The following HS6ST3 variants were observed in gnomAD, a reference collection of about 807,000 sequenced individuals.
The protein encoded by HS6ST3 is heparan-sulfate 6-O-sulfotransferase 3.
A neutral mutation model predicts 36.7 loss-of-function variants in HS6ST3; 12 were observed. The ratio of observed to expected loss-of-function variants is 0.33; its 90% CI spans 0.21 to 0.53. The LOEUF is 0.53. Among genes scored for constraint, HS6ST3 ranks in the 20% least tolerant of loss-of-function variants. The probability of loss-of-function intolerance (pLI) is 0.95; values close to 1 mark genes in which losing one functional copy is unlikely to be tolerated. For synonymous variants in HS6ST3, 240 were observed against 257.5 expected (o/e 0.93, Z 0.65); for missense variants, 584 against 640.9 (o/e 0.91, Z 0.96).
intron 1 of HS6ST3, among the ~76,000 whole-genome samples, chr13:96,186,593 G>A (rs922688637): frequency 2.6e-5 from 4 of 152,158 alleles, no homozygotes; most frequent in Non-Finnish European, 5.9e-5. Flanking sequence ...AGGACTTAAA[G>A]CCTCATCTAA....
intron 1 of HS6ST3, among the ~76,000 whole-genome samples, chr13:96,562,987 C>A (rs1388312112): frequency 4.0e-5 from 6 of 149,608 alleles, no homozygotes; most frequent in Non-Finnish European, 7.4e-5. Flanking sequence ...AAAGAGAAGG[C>A]TGCTCCCTGA....
chr13:96,146,534 AC>A (rs2054059246), intron 1 of HS6ST3, among the ~76,000 whole-genome samples: 1 of 152,066 alleles, frequency 6.6e-6, no homozygotes, highest in Non-Finnish European at 1.5e-5. Context: ...ATATTAGAAA[AC>A]CCTGATGTTC....
rs377363916 is a variant in HS6ST3, at chr13:96,452,342, A to G, written c.707+360773A>G. 7.2e-5 allele frequency among the ~76,000 whole-genome samples: 11 copies of G among 152,332 alleles called. No individual in the cohort carries two copies. In the South Asian group the frequency reaches 2.1e-3, roughly 29 times the overall value. ...GCAGCAGGAACTCAAGTGTTGAAGG[A>G]GACATTTTTCTTACTCCAAGAAATT... On this transcript the variant is annotated intron_variant, in intron 1 of 1. Coordinates refer to ENST00000376705, the MANE Select transcript of HS6ST3 (RefSeq NM_153456.4).
At chr13:96,640,111 T>C (rs944859917) in intron 1 of HS6ST3, among the ~76,000 whole-genome samples, 1 of 151,888 alleles carries the variant, frequency 6.6e-6, no homozygotes, top group African/African-American at 2.4e-5. Flanking sequence ...GGTCCAATGG[T>C]AGTTGTGTTT....
At chr13:96,708,324 G>C (rs962315862) in intron 1 of HS6ST3, among the ~76,000 whole-genome samples, 7 of 152,130 alleles carry the variant, frequency 4.6e-5, no homozygotes, top group Non-Finnish European at 8.8e-5. Context: ...TGAAAATCTG[G>C]ACCTTCTATC....
At chr13:96,285,851 T>C (rs2139396267) in intron 1 of HS6ST3, among the ~76,000 whole-genome samples, 1 of 152,098 alleles carries the variant, frequency 6.6e-6, no homozygotes, top group South Asian at 2.1e-4. Context: ...TCTATCTCTC[T>C]TCCTTCTGCC....
intron 1 of HS6ST3, among the ~76,000 whole-genome samples, chr13:96,619,102 G>T (rs967352393): frequency 3.3e-5 from 5 of 151,428 alleles, no homozygotes; most frequent in African/African-American, 1.2e-4. Flanking sequence ...TGTATTCTTT[G>T]CCCTCTCTTT....
At chr13:96,245,529 G>T (rs958260285) in intron 1 of HS6ST3, among the ~76,000 whole-genome samples, 30 of 152,094 alleles carry the variant, frequency 2.0e-4, no homozygotes, top group African/African-American at 6.8e-4. Flanking sequence ...AGACCTGAGG[G>T]TTCACTCTGG....
At chr13:96,475,612 CAAA>C in intron 1 of HS6ST3, among the ~76,000 whole-genome samples, 1 of 91,558 alleles carries the variant, frequency 1.1e-5, no homozygotes, top group Admixed American at 1.2e-4. Context: ...GGAGTACTAC[CAAA>C]AAAAAAAAAA....
chr13:96,585,582 A>G (rs2056357966), intron 1 of HS6ST3, among the ~76,000 whole-genome samples: 1 of 152,126 alleles, frequency 6.6e-6, no homozygotes, highest in Non-Finnish European at 1.5e-5. Flanking sequence ...CTGAAATTTT[A>G]TATCCTTTTA....
At chr13:96,139,121 A>G (rs967284984) in intron 1 of HS6ST3, among the ~76,000 whole-genome samples, 2 of 152,186 alleles carry the variant, frequency 1.3e-5, no homozygotes, top group Non-Finnish European at 2.9e-5. Flanking sequence ...TCAGCTGTAA[A>G]TAGTTAAGAA....
At chr13:96,130,621 T>C in intron 1 of HS6ST3, among the ~76,000 whole-genome samples, 1 of 152,212 alleles carries the variant, frequency 6.6e-6, no homozygotes, top group East Asian at 1.9e-4. Context: ...TGAACTTGTC[T>C]TTCCTTAATT....
At chr13:96,191,275 A>G (rs1399235211) in intron 1 of HS6ST3, among the ~76,000 whole-genome samples, 1 of 152,108 alleles carries the variant, frequency 6.6e-6, no homozygotes, top group Non-Finnish European at 1.5e-5. Context: ...TCTAAAATGC[A>G]ACTTTGATCA....
intron 1 of HS6ST3, among the ~76,000 whole-genome samples, chr13:96,286,623 T>G (rs2054804174): frequency 6.6e-6 from 1 of 152,148 alleles, no homozygotes; most frequent in African/African-American, 2.4e-5. Context: ...AAAGCATTAA[T>G]TTCAAAAATT....
chr13:96,460,269 A>G (rs1048310789), intron 1 of HS6ST3, among the ~76,000 whole-genome samples: 9 of 152,230 alleles, frequency 5.9e-5, no homozygotes, highest in Admixed American at 4.6e-4. Context: ...GCTTCAGACT[A>G]TAAGATAGTA....
intron 1 of HS6ST3, among the ~76,000 whole-genome samples, chr13:96,421,199 G>A (rs2055560471): frequency 6.6e-6 from 1 of 151,764 alleles, no homozygotes; most frequent in Non-Finnish European, 1.5e-5. Flanking sequence ...AATATCTTTG[G>A]GCTGTTGCAC....
intron 1 of HS6ST3, among the ~76,000 whole-genome samples, chr13:96,419,581 A>G (rs1020972161): frequency 1.3e-5 from 2 of 152,208 alleles, no homozygotes; most frequent in African/African-American, 4.8e-5. Flanking sequence ...CTGCCATAAC[A>G]AAGTACCACA....
At chr13:96,430,762 C>T (rs540270818) in intron 1 of HS6ST3, among the ~76,000 whole-genome samples, 4 of 152,312 alleles carry the variant, frequency 2.6e-5, no homozygotes, top group East Asian at 3.9e-4. Context: ...CCACTCCCTT[C>T]GGAAGCTGCT....
At chr13:96,756,057 C>T (rs913984683) in intron 1 of HS6ST3, among the ~76,000 whole-genome samples, 14 of 152,168 alleles carry the variant, frequency 9.2e-5, no homozygotes, top group Admixed American at 4.6e-4. Flanking sequence ...TTTTAGCTTA[C>T]ACTTCCCTGT....
Sources: allele counts gnomAD v4.1 joint callset (sites outside exome capture counted in the v4.1 genomes callset), GRCh38; gene constraint gnomAD v4.1.1; transcripts MANE v1.5; gene names NCBI Gene and HGNC (gene_info 2026-07-23, HGNC 2026-07-21).